KCNT2: variants seen among roughly 807,000 people sequenced by gnomAD.
The protein encoded by KCNT2 is potassium sodium-activated channel subfamily T member 2.
KCNT2 carries 67 observed loss-of-function variants against 153.8 expected under a neutral mutation model. The ratio of observed to expected loss-of-function variants is 0.44; its 90% CI spans 0.36 to 0.53. The LOEUF is 0.53. Among genes scored for constraint, KCNT2 ranks in the 20% least tolerant of loss-of-function variants. The probability of loss-of-function intolerance (pLI) is 0.00; values close to 1 mark genes in which losing one functional copy is unlikely to be tolerated. For missense variants in KCNT2, 975 were observed against 1,354.8 expected (o/e 0.72, Z 4.40); for synonymous variants, 500 against 458.8 (o/e 1.09, Z -1.15).
chr1:196,540,584 A>C (rs1656219122), intron 1 of KCNT2, among the ~76,000 whole-genome samples: 1 of 152,194 alleles, frequency 6.6e-6, no homozygotes, highest in African/African-American at 2.4e-5. Context: ...AAACACATAA[A>C]CATGAGCACA....
intron 1 of KCNT2, among the ~76,000 whole-genome samples, chr1:196,513,376 T>A (rs2148803785): frequency 6.6e-6 from 1 of 152,318 alleles, no homozygotes; most frequent in South Asian, 2.1e-4. Context: ...CCATCTGGCA[T>A]CTATGCTGAG....
intron 5 of KCNT2, among the ~76,000 whole-genome samples, chr1:196,475,223 C>A (rs1038375373): frequency 6.6e-6 from 1 of 152,120 alleles, no homozygotes; most frequent in Non-Finnish European, 1.5e-5. Flanking sequence ...ATTACTATTT[C>A]AGAATTATAA....
At chr1:196,335,810 G>C (rs967810438) in intron 16 of KCNT2, among the ~76,000 whole-genome samples, 3 of 151,926 alleles carry the variant, frequency 2.0e-5, no homozygotes, top group Admixed American at 6.6e-5. Flanking sequence ...TGTTTGTTCA[G>C]GTCACTCTCA....
chr1:196,265,057 T>G (rs1057459740), intron 25 of KCNT2, among the ~76,000 whole-genome samples: 1 of 152,128 alleles, frequency 6.6e-6, no homozygotes, highest in Non-Finnish European at 1.5e-5. Flanking sequence ...ATTATATGAG[T>G]TGTAGCCCTT....
At chr1:196,520,844 C>T (rs1653280481) in intron 1 of KCNT2, among the ~76,000 whole-genome samples, 1 of 152,002 alleles carries the variant, frequency 6.6e-6, no homozygotes, top group South Asian at 2.1e-4. Flanking sequence ...CTATAAAAGC[C>T]CTGAAAGACA....
intron 13 of KCNT2, 79 bp from the exon 14 acceptor site, chr1:196,373,327 T>C: frequency 1.4e-6 from 1 of 700,010 alleles, no homozygotes; most frequent in Non-Finnish European, 2.6e-6. Flanking sequence ...ACAAAATGAA[T>C]AAAATGGTAA....
At chr1:196,491,225 A>G (rs537835592) in intron 2 of KCNT2, among the ~76,000 whole-genome samples, 13 of 151,994 alleles carry the variant, frequency 8.6e-5, no homozygotes, top group Non-Finnish European at 1.8e-4. Context: ...TGACCCCTTT[A>G]GGTAATATCT....
intron 13 of KCNT2, among the ~76,000 whole-genome samples, chr1:196,391,208 G>A (rs1378470667): frequency 6.6e-6 from 1 of 151,248 alleles, no homozygotes; most frequent in Non-Finnish European, 1.5e-5. Context: ...TTTTTTACAG[G>A]GTGACAGGTA....
At chr1:196,354,318 A>G (rs1667000984) in intron 14 of KCNT2, among the ~76,000 whole-genome samples, 1 of 151,706 alleles carries the variant, frequency 6.6e-6, no homozygotes, top group African/African-American at 2.4e-5. Context: ...GTTCTCTTTG[A>G]TCCTAAATAA....
chr1:196,484,508 G>A (rs1198567228), intron 3 of KCNT2, among the ~76,000 whole-genome samples: 1 of 151,972 alleles, frequency 6.6e-6, no homozygotes, highest in Non-Finnish European at 1.5e-5. Flanking sequence ...TTCTTTTGAT[G>A]TGCACAAGCT....
chr1:196,566,882 T>G (rs1001048799), intron 1 of KCNT2, among the ~76,000 whole-genome samples: 4 of 152,126 alleles, frequency 2.6e-5, no homozygotes, highest in African/African-American at 9.7e-5. Flanking sequence ...TACAAGATTG[T>G]TTTTTAAGCC....
At chr1:196,546,343 C>G (rs1657096092) in intron 1 of KCNT2, among the ~76,000 whole-genome samples, 1 of 152,072 alleles carries the variant, frequency 6.6e-6, no homozygotes, top group Non-Finnish European at 1.5e-5. Flanking sequence ...TCATTTGTCT[C>G]TAGCACAGTG....
At chr1:196,419,722 C>G (rs999324106) in intron 12 of KCNT2, among the ~76,000 whole-genome samples, 17 of 152,050 alleles carry the variant, frequency 1.1e-4, no homozygotes, top group African/African-American at 3.1e-4. Context: ...CCACTGTCTT[C>G]TGCCATTACT....
At chr1:196,272,449 T>C (rs1658159991) in intron 25 of KCNT2, among the ~76,000 whole-genome samples, 2 of 151,882 alleles carry the variant, frequency 1.3e-5, no homozygotes, top group Admixed American at 1.3e-4. Flanking sequence ...TTTGCTTATG[T>C]ATCTTAAGTA....
chr1:196,410,511 C>G (rs1408747678), intron 12 of KCNT2, among the ~76,000 whole-genome samples: 1 of 151,242 alleles, frequency 6.6e-6, no homozygotes, highest in African/African-American at 2.4e-5. Flanking sequence ...AGCACACATA[C>G]ACATATGTAA....
intron 1 of KCNT2, among the ~76,000 whole-genome samples, chr1:196,556,039 T>C (rs1658609736): frequency 6.6e-6 from 1 of 151,536 alleles, no homozygotes; most frequent in South Asian, 2.1e-4. Flanking sequence ...GACCTCAAGC[T>C]GTGAAACTAC....
intron 1 of KCNT2, among the ~76,000 whole-genome samples, chr1:196,595,498 G>A (rs1663943878): frequency 6.6e-6 from 1 of 151,916 alleles, no homozygotes; most frequent in South Asian, 2.1e-4. Context: ...CAGGACCCCT[G>A]GGGATACTAA....
chr1:196,362,233 GT>G (rs1394534372), intron 14 of KCNT2, among the ~76,000 whole-genome samples: 1 of 152,062 alleles, frequency 6.6e-6, no homozygotes, highest in Non-Finnish European at 1.5e-5. Flanking sequence ...TCTGTGAGGA[GT>G]TTAGGATTAA....
chr1:196,472,783 T>G (rs984081695), intron 5 of KCNT2, among the ~76,000 whole-genome samples: 1 of 152,196 alleles, frequency 6.6e-6, no homozygotes, highest in African/African-American at 2.4e-5. Context: ...TAAATAGATC[T>G]TGAGATTTTC....
Sources: gnomAD v4.1 joint callset for allele counts (sites outside exome capture counted in the v4.1 genomes callset) on GRCh38, gnomAD v4.1.1 for gene constraint, MANE v1.5 for transcripts, NCBI Gene and HGNC (gene_info 2026-07-23, HGNC 2026-07-21) for gene names.